Variants in TXNRD2 observed in about 807,000 individuals in gnomAD.
The protein encoded by TXNRD2 is thioredoxin reductase 2, mitochondrial.
Under a neutral mutation model 70.8 loss-of-function variants are expected in TXNRD2, and 67 were observed. The observed-to-expected ratio is 0.95, with a 90% CI of 0.78 to 1.16. TXNRD2 has a LOEUF of 1.16. TXNRD2 is among the 50% of genes most tolerant of loss of function. TXNRD2 has a pLI of 0.00. For synonymous variants in TXNRD2, 301 were observed against 295.8 expected (o/e 1.02, Z -0.18); for missense variants, 644 against 719.9 (o/e 0.89, Z 1.21).
At chr22:19,907,100 C>CGTGGGT (rs1940065437) in intron 8 of TXNRD2, among the ~76,000 whole-genome samples, 1 of 101,336 alleles carries the variant, frequency 9.9e-6, no homozygotes, top group South Asian at 4.9e-4. Context: ...GTGTGGGCGC[C>CGTGGGT]ATGGGTAGCA....
chr22:19,917,916 C>G (rs2146043129), intron 5 of TXNRD2, among the ~76,000 whole-genome samples: 1 of 152,338 alleles, frequency 6.6e-6, no homozygotes, highest in Middle Eastern at 3.4e-3. Flanking sequence ...TGGCCTCACT[C>G]ATTCCTTGGC....
At chr22:19,913,319 T>C (rs940311370) in intron 7 of TXNRD2, among the ~76,000 whole-genome samples, 1 of 152,190 alleles carries the variant, frequency 6.6e-6, no homozygotes, top group Non-Finnish European at 1.5e-5. Context: ...TGAGTGAGAA[T>C]GGGAACTCCA....
intron 1 of TXNRD2, 54 bp from the exon 2 acceptor site, chr22:19,931,152 C>G: frequency 6.5e-7 from 1 of 1,549,046 alleles, no homozygotes. Flanking sequence ...AAACGTGGTA[C>G]AGGATCAATT....
intron 2 of TXNRD2, among the ~76,000 whole-genome samples, chr22:19,926,192 A>G (rs1024609117): frequency 1.3e-4 from 20 of 148,398 alleles, no homozygotes; most frequent in African/African-American, 4.2e-4. Flanking sequence ...AGAAAAAGAA[A>G]AAGAAAATGC....
At chr22:19,887,256 G>C (rs1939072234) in intron 11 of TXNRD2, 1 of 152,158 alleles carries the variant, frequency 6.6e-6, no homozygotes, top group South Asian at 2.1e-4. Flanking sequence ...AAAATTCCAG[G>C]TACAGCTCTT....
Position 19,916,179 on chromosome 22 carries a change from G to A in TXNRD2, c.450-336C>T, listed in dbSNP as rs112362544. ...CTCTTGGGGACAGTCCTCATCACCC[G>A]GACATGTTCCAGCAGGGAGCTGTGG... On this transcript the variant is annotated intron_variant, in intron 5 of 17. Transcript: ENST00000400521. The A allele has an allele frequency of 9.3e-4, 333 of 356,976 alleles. 2 individuals are homozygous for A. Among genetic ancestry groups the A allele is most frequent in the African/African-American group, 5.9e-3 (278 of 47,484 alleles). The allele number at this position is 356,976 out of a possible 1,614,324, so 22.1% of individuals were successfully genotyped here.
At chr22:19,908,755 C>T (rs1002209246) in intron 8 of TXNRD2, among the ~76,000 whole-genome samples, 5 of 152,266 alleles carry the variant, frequency 3.3e-5, no homozygotes, top group African/African-American at 1.2e-4. Flanking sequence ...AATGGATAAA[C>T]AAAATGTGGT....
intron 11 of TXNRD2, among the ~76,000 whole-genome samples, chr22:19,892,386 C>T (rs553273249): frequency 1.2e-4 from 19 of 152,392 alleles, no homozygotes; most frequent in Admixed American, 3.9e-4. Flanking sequence ...GCGCCGCCCT[C>T]GGGAAGCAGG....
At chr22:19,912,095 G>A (rs1940438229) in intron 7 of TXNRD2, among the ~76,000 whole-genome samples, 1 of 152,188 alleles carries the variant, frequency 6.6e-6, no homozygotes, top group Admixed American at 6.5e-5. Flanking sequence ...GGGCTGGCCC[G>A]GGTGGGCTCT....
intron 11 of TXNRD2, 133 bp downstream of exon 11, chr22:19,895,274 A>G: frequency 6.3e-7 from 1 of 1,593,182 alleles, no homozygotes; most frequent in Non-Finnish European, 8.5e-7. Context: ...CTCGAGGTGC[A>G]CTGGGGAGCG....
At chr22:19,894,669 C>G (rs1939414068) in intron 11 of TXNRD2, 1 of 183,760 alleles carries the variant, frequency 5.4e-6, no homozygotes. Flanking sequence ...AAGCCTGAAG[C>G]AGCAAAACAT....
intron 14 of TXNRD2, among the ~76,000 whole-genome samples, chr22:19,879,708 C>G (rs1323020365): frequency 6.6e-6 from 1 of 152,072 alleles, no homozygotes; most frequent in Non-Finnish European, 1.5e-5. Context: ...AAGGTGGGGA[C>G]AGCACAGAGG....
intron 12 of TXNRD2, among the ~76,000 whole-genome samples, chr22:19,882,521 A>C (rs1473292751): frequency 6.6e-6 from 1 of 152,138 alleles, no homozygotes; most frequent in African/African-American, 2.4e-5. Context: ...TTCATTTCAG[A>C]CTACTGCCCC....
rs188795918 is a variant in TXNRD2, at chr22:19,918,187, G to A, written c.405C>T (p.His135=). Residue 135 remains histidine (H), a synonymous_variant, in exon 5 of 18, where the codon CAC becomes CAT. Transcript: ENST00000400521. ...WRKMAEAVQN[H]VKSLNWGHRV... ...GGTGGCCCCAGTTCAAGGATTTCAC[G>A]TGATTTTGAACAGCTTCTGCCATCT... 5.6e-6 allele frequency: 9 copies of A among 1,614,072 alleles called. No individual in the cohort carries two copies. The highest frequency in any genetic ancestry group is 1.1e-5 in the South Asian group (1 of 91,090).
intron 11 of TXNRD2, chr22:19,887,800 T>C (rs1019337572): frequency 5.3e-5 from 8 of 152,260 alleles, no homozygotes; most frequent in Admixed American, 3.9e-4. Flanking sequence ...AGGCAGGCCA[T>C]GCCCACTACA....
At chr22:19,883,230 T>G in intron 12 of TXNRD2, 95 bp downstream of exon 12, 7 of 1,485,454 alleles carry the variant, frequency 4.7e-6, no homozygotes, top group Non-Finnish European at 6.4e-6. Flanking sequence ...AAAGTGTCGT[T>G]TCTCTCCTAC....
chr22:19,940,775 G>C (rs1464809755), intron 1 of TXNRD2, among the ~76,000 whole-genome samples: 1 of 152,136 alleles, frequency 6.6e-6, no homozygotes, highest in African/African-American at 2.4e-5. Context: ...CCTGGCTGAG[G>C]GTTCCAGGTC....
At chr22:19,909,209 A>AC (rs1940206382) in intron 8 of TXNRD2, among the ~76,000 whole-genome samples, 3 of 151,630 alleles carry the variant, frequency 2.0e-5, no homozygotes, top group African/African-American at 7.3e-5. Context: ...CTGTTTCAAA[A>AC]AAAAAAAAAA....
intron 12 of TXNRD2, 86 bp from the exon 13 acceptor site, chr22:19,880,803 G>A (rs1419794607): frequency 4.4e-6 from 4 of 912,062 alleles, no homozygotes; most frequent in Non-Finnish European, 6.9e-6. Context: ...CCCTCCGAGT[G>A]GGCATCTCCC....
Sources: allele counts gnomAD v4.1 joint callset (sites outside exome capture counted in the v4.1 genomes callset), GRCh38; gene constraint gnomAD v4.1.1; transcripts MANE v1.5; gene names NCBI Gene and HGNC (gene_info 2026-07-23, HGNC 2026-07-21).